SGCZ: variants seen among roughly 807,000 people sequenced by gnomAD.
The protein encoded by SGCZ is sarcoglycan zeta.
A neutral mutation model predicts 41.3 loss-of-function variants in SGCZ; 40 were observed. The ratio of observed to expected loss-of-function variants is 0.97; its 90% CI spans 0.75 to 1.26. The LOEUF (loss-of-function observed/expected upper bound fraction) is 1.26. Among genes scored for constraint, SGCZ ranks in the 50% most tolerant of loss-of-function variants. The probability of loss-of-function intolerance (pLI) is 0.00; values close to 1 mark genes in which losing one functional copy is unlikely to be tolerated. For synonymous variants in SGCZ, 206 were observed against 137.5 expected, an observed-to-expected ratio of 1.50 and a Z score of -3.49; for missense variants, 552 against 369.8, an observed-to-expected ratio of 1.49 and a Z score of -4.04.
At chr8:14,651,223 G>T (rs139044921) in intron 1 of SGCZ, among the ~76,000 whole-genome samples, 1,824 of 152,078 alleles carry the variant, frequency 0.012, 23 homozygotes, top group Non-Finnish European at 0.02. Context: ...AAAGTAGATT[G>T]CTCCTAAAAA....
chr8:15,046,426 C>G (rs1804302751), intron 1 of SGCZ, among the ~76,000 whole-genome samples: 1 of 151,940 alleles, frequency 6.6e-6, no homozygotes, highest in Non-Finnish European at 1.5e-5. Flanking sequence ...TTTTACTTTT[C>G]TATGAGTTGT....
chr8:14,195,362 C>A (rs1805234899), intron 4 of SGCZ, among the ~76,000 whole-genome samples: 2 of 151,746 alleles, frequency 1.3e-5, no homozygotes, highest in South Asian at 4.2e-4. Context: ...CAGTCCATAA[C>A]AATAAAGAAA....
At chr8:14,294,623 A>G (rs1257952073) in intron 3 of SGCZ, among the ~76,000 whole-genome samples, 1 of 152,074 alleles carries the variant, frequency 6.6e-6, no homozygotes, top group Non-Finnish European at 1.5e-5. Flanking sequence ...GAAGAAAATA[A>G]AAAGTCCAGC....
chr8:14,586,410 T>C (rs897425307), intron 1 of SGCZ, among the ~76,000 whole-genome samples: 9 of 152,074 alleles, frequency 5.9e-5, no homozygotes, highest in African/African-American at 2.2e-4. Context: ...GACAGGGTTT[T>C]TCCATGTTGG....
At chr8:14,484,384 G>C (rs945153369) in intron 2 of SGCZ, among the ~76,000 whole-genome samples, 4 of 152,088 alleles carry the variant, frequency 2.6e-5, no homozygotes, top group African/African-American at 9.7e-5. Context: ...ATATACCATT[G>C]TTTTAAATAA....
chr8:14,458,991 G>A (rs1253814591), intron 2 of SGCZ, among the ~76,000 whole-genome samples: 3 of 152,172 alleles, frequency 2.0e-5, no homozygotes, highest in Non-Finnish European at 2.9e-5. Context: ...CAACTTGACA[G>A]AGATTTCATT....
intron 5 of SGCZ, among the ~76,000 whole-genome samples, chr8:14,110,582 A>G (rs1802341957): frequency 2.6e-5 from 4 of 152,218 alleles, no homozygotes; most frequent in Admixed American, 2.6e-4. Context: ...TAAACTAAAT[A>G]ATACGAGTGA....
intron 4 of SGCZ, among the ~76,000 whole-genome samples, chr8:14,206,097 AT>A (rs1451039442): frequency 2.6e-5 from 4 of 152,246 alleles, no homozygotes; most frequent in South Asian, 2.1e-4. Context: ...AAGCAAAAAA[AT>A]ATATTTTGAT....
intron 1 of SGCZ, among the ~76,000 whole-genome samples, chr8:14,792,223 G>A (rs547011025): frequency 2.0e-5 from 3 of 152,154 alleles, no homozygotes; most frequent in South Asian, 4.1e-4. Context: ...AAAGTTTTAC[G>A]GTTATAACAT....
intron 1 of SGCZ, among the ~76,000 whole-genome samples, chr8:14,697,295 A>T (rs1035405163): frequency 3.3e-5 from 5 of 152,058 alleles, no homozygotes; most frequent in Non-Finnish European, 7.4e-5. Flanking sequence ...AATCTCTCTG[A>T]GCCTGTTTCT....
intron 1 of SGCZ, among the ~76,000 whole-genome samples, chr8:14,851,025 T>A (rs1803298644): frequency 6.6e-6 from 1 of 152,126 alleles, no homozygotes; most frequent in Non-Finnish European, 1.5e-5. Flanking sequence ...AGTAATATGC[T>A]ATTGCTGTAG....
At chr8:14,915,910 G>A (rs910881971) in intron 1 of SGCZ, among the ~76,000 whole-genome samples, 5 of 152,060 alleles carry the variant, frequency 3.3e-5, no homozygotes, top group Non-Finnish European at 5.9e-5. Flanking sequence ...TATACTCCAG[G>A]CAAAGTAGCC....
chr8:14,374,836 G>A (rs76515570), intron 2 of SGCZ, among the ~76,000 whole-genome samples: 2,186 of 152,262 alleles, frequency 0.014, 49 homozygotes, highest in African/African-American at 0.048. Context: ...ATGGAGTCCT[G>A]AGGGCTGAAA....
intron 1 of SGCZ, among the ~76,000 whole-genome samples, chr8:14,998,509 T>C (rs1355627139): frequency 6.8e-6 from 1 of 146,022 alleles, no homozygotes; most frequent in Non-Finnish European, 1.5e-5. Context: ...TTCAATTAAA[T>C]CCTTCAAACA....
chr8:15,144,910 C>G lies in SGCZ; in HGVS notation c.39+92675G>C, dbSNP rs769715666. On this transcript the variant is annotated intron_variant, in intron 1 of 7. Coordinates refer to ENST00000382080, the MANE Select transcript of SGCZ (RefSeq NM_139167.4). Reference sequence around the variant, plus strand: ...GGTGCTGTATGTAACCTGATACATTCCATCTGCTGCTTTTATTCTCTTCAG... The same window carrying G: ...GGTGCTGTATGTAACCTGATACATTGCATCTGCTGCTTTTATTCTCTTCAG... 8.5e-5 allele frequency among the ~76,000 whole-genome samples: 13 copies of G among 152,206 alleles called. 1 individual carries two copies. The highest frequency in any genetic ancestry group is 1.3e-4 in the Admixed American group (2 of 15,282).
At chr8:14,921,244 A>G (rs1799580213) in intron 1 of SGCZ, among the ~76,000 whole-genome samples, 1 of 152,122 alleles carries the variant, frequency 6.6e-6, no homozygotes, top group Non-Finnish European at 1.5e-5. Context: ...TCTCCACATC[A>G]ATGCCTCTCC....
chr8:14,367,615 A>G (rs551235680), intron 2 of SGCZ, among the ~76,000 whole-genome samples: 2 of 152,230 alleles, frequency 1.3e-5, no homozygotes, highest in East Asian at 1.9e-4. Context: ...GGAAAGGTAC[A>G]TCTTCCATGA....
intron 2 of SGCZ, among the ~76,000 whole-genome samples, chr8:14,457,574 G>C (rs181904276): frequency 3.3e-5 from 5 of 152,172 alleles, no homozygotes; most frequent in Middle Eastern, 3.2e-3. Context: ...CAGTGGTCAC[G>C]CTCCTAGTCC....
At chr8:14,115,379 G>A (rs896921723) in intron 5 of SGCZ, among the ~76,000 whole-genome samples, 6 of 151,906 alleles carry the variant, frequency 3.9e-5, no homozygotes, top group Non-Finnish European at 7.4e-5. Flanking sequence ...GAGTTGAAAT[G>A]CAAAAATATG....
Sources: allele counts gnomAD v4.1 joint callset (sites outside exome capture counted in the v4.1 genomes callset), GRCh38; gene constraint gnomAD v4.1.1; transcripts MANE v1.5; gene names NCBI Gene and HGNC (gene_info 2026-07-23, HGNC 2026-07-21).